The following CHRM3 variants were observed in gnomAD, a reference collection of about 807,000 sequenced individuals.
CHRM3 encodes muscarinic acetylcholine receptor M3.
A neutral mutation model predicts 41.8 loss-of-function variants in CHRM3; 11 were observed. That is an observed-to-expected ratio of 0.26 (90% CI 0.17 to 0.44). The LOEUF is 0.44. CHRM3 is among the 20% of genes least tolerant of loss of function. The probability of loss-of-function intolerance (pLI) is 1.00; values close to 1 mark genes in which losing one functional copy is unlikely to be tolerated. For synonymous variants in CHRM3, 297 were observed against 301.4 expected, an observed-to-expected ratio of 0.99 and a Z score of 0.15; for missense variants, 571 against 745.4, an observed-to-expected ratio of 0.77 and a Z score of 2.72.
At chr1:239,782,353 A>G (rs1440587413) in intron 5 of CHRM3, among the ~76,000 whole-genome samples, 3 of 152,094 alleles carry the variant, frequency 2.0e-5, no homozygotes, top group Non-Finnish European at 4.4e-5. Context: ...TGTAGCTTTC[A>G]AGAAATTAAT....
intron 2 of CHRM3, among the ~76,000 whole-genome samples, chr1:239,509,935 C>G (rs1668812094): frequency 6.6e-6 from 1 of 151,934 alleles, no homozygotes; most frequent in Non-Finnish European, 1.5e-5. Flanking sequence ...TAAAAAATAC[C>G]AAAATTAACC....
chr1:239,726,485 C>T (rs1243759878), intron 5 of CHRM3, among the ~76,000 whole-genome samples: 3 of 151,828 alleles, frequency 2.0e-5, no homozygotes, highest in African/African-American at 7.3e-5. Flanking sequence ...TCATTTGCCT[C>T]GTGGCTGGGT....
At chr1:239,526,510 G>C (rs1009250189) in intron 2 of CHRM3, among the ~76,000 whole-genome samples, 2 of 152,150 alleles carry the variant, frequency 1.3e-5, no homozygotes, top group Non-Finnish European at 2.9e-5. Flanking sequence ...CTGGGTGTCA[G>C]TATTTGCTAG....
At chr1:239,775,766 G>A (rs992564304) in intron 5 of CHRM3, among the ~76,000 whole-genome samples, 4 of 152,166 alleles carry the variant, frequency 2.6e-5, no homozygotes, top group Non-Finnish European at 4.4e-5. Flanking sequence ...ATCGAGAGGC[G>A]AAACAGACTG....
intron 1 of CHRM3, among the ~76,000 whole-genome samples, chr1:239,475,252 A>C (rs1666392208): frequency 6.6e-6 from 1 of 152,154 alleles, no homozygotes; most frequent in Non-Finnish European, 1.5e-5. Context: ...CTTGAAGAAA[A>C]TAAGAGCTAT....
chr1:239,400,618 T>C lies in CHRM3; in HGVS notation c.-521+13391T>C, dbSNP rs756060353. On this transcript the variant is annotated intron_variant, in intron 1 of 6. Transcript: ENST00000676153. ...TTTAAGTCTTTAATCCAATTTGATA[T>C]GATTTTTGTATTTGGTGTGAGATAA... Among the ~76,000 whole-genome samples, 16 of 152,316 alleles carry C rather than the reference T, an allele frequency of 1.1e-4. No individual in the cohort carries two copies. The South Asian group carries it at 1.7e-3, about 16-fold the overall frequency.
At chr1:239,433,772 C>G (rs548257019) in intron 1 of CHRM3, among the ~76,000 whole-genome samples, 1 of 152,280 alleles carries the variant, frequency 6.6e-6, no homozygotes, top group East Asian at 1.9e-4. Context: ...GTTCAGGTTG[C>G]TGCGAATGCC....
chr1:239,901,429 A>G (rs1169208902), intron 6 of CHRM3, among the ~76,000 whole-genome samples: 1 of 152,024 alleles, frequency 6.6e-6, no homozygotes, highest in Non-Finnish European at 1.5e-5. Context: ...CCTCCAAAAT[A>G]CCACTGCTAA....
chr1:239,675,228 T>C (rs1458104585), intron 4 of CHRM3, among the ~76,000 whole-genome samples: 1 of 152,218 alleles, frequency 6.6e-6, no homozygotes, highest in African/African-American at 2.4e-5. Flanking sequence ...TAAATACATT[T>C]TCATAAATTG....
At chr1:239,811,697 A>T (rs1671130424) in intron 5 of CHRM3, among the ~76,000 whole-genome samples, 1 of 152,166 alleles carries the variant, frequency 6.6e-6, no homozygotes, top group South Asian at 2.1e-4. Context: ...GATACACCGG[A>T]ATGGGACCTG....
intron 5 of CHRM3, among the ~76,000 whole-genome samples, chr1:239,759,139 C>A (rs1666483063): frequency 6.7e-6 from 1 of 149,604 alleles, no homozygotes; most frequent in Non-Finnish European, 1.5e-5. Context: ...TGAGCATTTT[C>A]CCCCCTGAGC....
At chr1:239,648,674 G>A (rs770677592) in intron 4 of CHRM3, among the ~76,000 whole-genome samples, 22 of 152,182 alleles carry the variant, frequency 1.4e-4, no homozygotes, top group Non-Finnish European at 2.1e-4. Context: ...AGGAATGGAA[G>A]CCAATTGATA....
intron 1 of CHRM3, among the ~76,000 whole-genome samples, chr1:239,435,037 CTTTCTA>C (rs1663125515): frequency 6.6e-6 from 1 of 152,150 alleles, no homozygotes; most frequent in Non-Finnish European, 1.5e-5. Context: ...TTCCCAGTTC[CTTTCTA>C]TTAATAAATG....
intron 4 of CHRM3, among the ~76,000 whole-genome samples, chr1:239,661,694 T>C (rs745874414): frequency 6.6e-6 from 1 of 152,154 alleles, no homozygotes; most frequent in Non-Finnish European, 1.5e-5. Flanking sequence ...ATGCGGTATT[T>C]TTAAGGCGGT....
intron 3 of CHRM3, among the ~76,000 whole-genome samples, chr1:239,568,082 A>C (rs1340036827): frequency 1.3e-5 from 2 of 152,178 alleles, no homozygotes; most frequent in Non-Finnish European, 2.9e-5. Flanking sequence ...TGCCGGCTGC[A>C]GAGCAACCCC....
At chr1:239,793,477 A>G (rs1669506575) in intron 5 of CHRM3, among the ~76,000 whole-genome samples, 2 of 152,178 alleles carry the variant, frequency 1.3e-5, no homozygotes, top group Admixed American at 6.5e-5. Context: ...CTTTTTAAAA[A>G]CTGATGATAA....
At chr1:239,701,974 A>G (rs981171640) in intron 5 of CHRM3, among the ~76,000 whole-genome samples, 4 of 152,230 alleles carry the variant, frequency 2.6e-5, no homozygotes, top group Non-Finnish European at 4.4e-5. Flanking sequence ...GTCAACTCCT[A>G]ATGTCTAGAT....
At chr1:239,793,876 G>A (rs1021483663) in intron 5 of CHRM3, among the ~76,000 whole-genome samples, 1 of 128,726 alleles carries the variant, frequency 7.8e-6, no homozygotes, top group Admixed American at 9.6e-5. Context: ...GCAATGGTGC[G>A]ATCTCGGCTC....
intron 5 of CHRM3, among the ~76,000 whole-genome samples, chr1:239,822,195 T>G (rs965900699): frequency 2.0e-5 from 3 of 152,204 alleles, no homozygotes; most frequent in Non-Finnish European, 4.4e-5. Flanking sequence ...AAATTATATC[T>G]TTCGAAAGTA....
Sources: allele counts gnomAD v4.1 joint callset (sites outside exome capture counted in the v4.1 genomes callset), GRCh38; gene constraint gnomAD v4.1.1; transcripts MANE v1.5; gene names NCBI Gene and HGNC (gene_info 2026-07-23, HGNC 2026-07-21).